SARDH: variants seen among roughly 807,000 people sequenced by gnomAD.
The protein encoded by SARDH is sarcosine dehydrogenase, mitochondrial.
In SARDH, 95 loss-of-function variants were observed where a neutral mutation model predicts 109.1. The observed-to-expected ratio is 0.87, with a 90% CI of 0.74 to 1.03. SARDH has a LOEUF of 1.03. Among genes scored for constraint, SARDH ranks in the 50% least tolerant of loss-of-function variants. The probability of loss-of-function intolerance (pLI) is 0.00; values close to 1 mark genes in which losing one functional copy is unlikely to be tolerated. For synonymous variants in SARDH, 572 were observed against 534.8 expected, an observed-to-expected ratio of 1.07 and a Z score of -0.96; for missense variants, 1,267 against 1,287.8, an observed-to-expected ratio of 0.98 and a Z score of 0.25.
chr9:133,734,015 C>T lies in SARDH; in HGVS notation c.159G>A (p.Ser53=), dbSNP rs771920569. 37 of 1,612,982 alleles carry T rather than the reference C, an allele frequency of 2.3e-5. No homozygotes were observed. The East Asian group carries it at 3.8e-4, about 17-fold the overall frequency. Residue 53 remains serine, a synonymous_variant, in exon 2 of 21, where the codon TCG becomes TCA. Coordinates refer to ENST00000439388, the MANE Select transcript of SARDH (RefSeq NM_001134707.2). ...GCCGGCTTGGGCCTTGGGCCACCAC[C>T]GAGGTGCCCTGTCCCTCCTTCAGGG... ...QRTLKEGQGT[S]VVAQGPSRPL...
Position 133,692,894 on chromosome 9 carries a change from C to A in SARDH, c.1921+1364G>T. Among the ~76,000 whole-genome samples the A allele has an allele frequency of 6.6e-6, 1 of 152,274 alleles. No individual in the cohort carries two copies. Among genetic ancestry groups the A allele is most frequent in the Non-Finnish European group, 1.5e-5 (1 of 68,002 alleles). The stretch of plus-strand genomic sequence containing the variant: ...AAGGGGTGGGCGAGCTCTGCGCACC[C>A]CATAGGACCCCTCACTCACGCTCTC... On this transcript the variant is annotated intron_variant, in intron 15 of 20. Coordinates refer to ENST00000439388, the MANE Select transcript of SARDH (RefSeq NM_001134707.2). This position sits in a 1 kb window ranked among gnomAD's most constrained non-coding sequence, Gnocchi z 5.0.
In SARDH at chr9:133,729,781, C is replaced by T. The variant is rs759296197; in HGVS notation, c.899G>A (p.Arg300His). 2.2e-5 allele frequency: 36 copies of T among 1,612,604 alleles called. 1 individual carries two copies. Among genetic ancestry groups the T allele is most frequent in the Middle Eastern group, 1.6e-4 (1 of 6,082 alleles). The change falls in exon 6 of 21, where the codon CGC becomes CAC. Residue 300 changes from arginine (R) to histidine (H), a missense_variant. Coordinates refer to ENST00000439388, the MANE Select transcript of SARDH (RefSeq NM_001134707.2). The stretch of plus-strand genomic sequence containing the variant: ...TCCACCTACCTGAATCCCCTCGATG[C>T]GCTCGGTGACGACATAGGCATGGTG... Reference protein sequence around the residue: ...AMHHAYVVTERIEGIQNMPNV... With the variant: ...AMHHAYVVTEHIEGIQNMPNV...
chr9:133,713,090 C>G lies in SARDH; in HGVS notation c.1185G>C (p.Gly395=). ...AGAACCCTCGGAGCTCAGGTGCCTC[C>G]CCCATCAGGGGCTTGTGGTCGGGCG... ...SFTPDHKPLM[G]EAPELRGFFL... Residue 395 remains glycine, a synonymous_variant, in exon 9 of 21, where the codon GGG becomes GGC. Transcript: ENST00000439388. 2 of 1,613,478 alleles carry G rather than the reference C, an allele frequency of 1.2e-6. No individual in the cohort carries two copies. Among genetic ancestry groups the G allele is most frequent in the Non-Finnish European group, 1.7e-6 (2 of 1,179,960 alleles).
chr9:133,677,788 G>T (rs888855294), intron 17 of SARDH, among the ~76,000 whole-genome samples: 9 of 152,212 alleles, frequency 5.9e-5, no homozygotes, highest in African/African-American at 1.7e-4. Context: ...AGTTGGCCTG[G>T]ACAAGAGGGG....
At chr9:133,706,454 A>C (rs1831699930) in intron 11 of SARDH, among the ~76,000 whole-genome samples, 1 of 152,092 alleles carries the variant, frequency 6.6e-6, no homozygotes, top group African/African-American at 2.4e-5. Context: ...TGGTGGGAGG[A>C]GATGAGGAAG....
intron 6 of SARDH, among the ~76,000 whole-genome samples, chr9:133,722,642 G>GCTCCCTCTCT (rs1203936066): frequency 8.9e-5 from 13 of 145,748 alleles, no homozygotes; most frequent in African/African-American, 3.1e-4. Context: ...AACTACTAGC[G>GCTCCCTCTCT]CTCTCTCTCT....
rs554952872 is a variant in SARDH at position 133,688,697 on chromosome 9, C to T, written c.2069+1683G>A. ...AGCCTCAATGCGTGCCTCAGACATA[C>T]GCACTGGCCTGCCACGGGGCCTTTG... On this transcript the variant is annotated intron_variant, in intron 16 of 20. Coordinates refer to ENST00000439388, the MANE Select transcript of SARDH (RefSeq NM_001134707.2). Among the ~76,000 whole-genome samples, 7 of 152,344 alleles carry T rather than the reference C, an allele frequency of 4.6e-5. No individual in the cohort carries two copies. In the East Asian group the frequency reaches 7.7e-4, roughly 17 times the overall value.
At chr9:133,673,213 G>A (rs981627011) in intron 17 of SARDH, among the ~76,000 whole-genome samples, 14 of 152,264 alleles carry the variant, frequency 9.2e-5, no homozygotes, top group African/African-American at 3.4e-4. Context: ...CACAGGAGGC[G>A]TGATTTTCCT....
chr9:133,730,653 T>G (rs1832649011), intron 4 of SARDH, among the ~76,000 whole-genome samples: 2 of 152,068 alleles, frequency 1.3e-5, no homozygotes, highest in South Asian at 2.1e-4. Flanking sequence ...TGGGTGATCT[T>G]GACTTCTTTT....
intron 6 of SARDH, among the ~76,000 whole-genome samples, chr9:133,719,299 G>A (rs1406568575): frequency 3.3e-5 from 5 of 152,180 alleles, no homozygotes; most frequent in South Asian, 4.2e-4. Flanking sequence ...GGAATGGATC[G>A]AGGAAGAGAG....
chr9:133,688,511 C>A (rs1830969289), intron 16 of SARDH, among the ~76,000 whole-genome samples: 1 of 152,152 alleles, frequency 6.6e-6, no homozygotes, highest in African/African-American at 2.4e-5. Context: ...GGCCTGCTGG[C>A]CCCCTGCCCG....
At position 133,669,434 on chromosome 9, in the gene SARDH, C is replaced by A. The variant is rs551665531; in HGVS notation, c.2495+1150G>T. ...TTGCAGCTGGCTGTCAGCTCCATGT[C>A]CACAGAGCCCAAAGCCGCCCACTTC... On this transcript the variant is annotated intron_variant, in intron 19 of 20. Coordinates refer to ENST00000439388, the MANE Select transcript of SARDH (RefSeq NM_001134707.2). 1.2e-3 allele frequency among the ~76,000 whole-genome samples: 185 copies of A among 149,952 alleles called. 1 individual carries two copies. The highest frequency in any genetic ancestry group is 0.01 in the Admixed American group (155 of 15,090).
At chr9:133,722,614 C>A (rs1211238993) in intron 6 of SARDH, among the ~76,000 whole-genome samples, 2 of 150,882 alleles carry the variant, frequency 1.3e-5, no homozygotes, top group African/African-American at 4.9e-5. Context: ...ATACAAAATC[C>A]TAAGGAAACC....
chr9:133,701,782 CAGA>C (rs1182507146), intron 13 of SARDH, among the ~76,000 whole-genome samples: 1 of 152,222 alleles, frequency 6.6e-6, no homozygotes, highest in African/African-American at 2.4e-5. Flanking sequence ...ACGCCTTGAA[CAGA>C]TGTTCCACCA....
chr9:133,723,563 C>T (rs1255864653), intron 6 of SARDH, among the ~76,000 whole-genome samples: 4 of 152,150 alleles, frequency 2.6e-5, no homozygotes, highest in Non-Finnish European at 4.4e-5. Context: ...GAGATCGAGA[C>T]CATCCTTGCT....
intron 19 of SARDH, among the ~76,000 whole-genome samples, chr9:133,670,077 C>T (rs1402424799): frequency 3.9e-5 from 6 of 152,188 alleles, no homozygotes; most frequent in African/African-American, 9.7e-5. Flanking sequence ...GCTTGTAATC[C>T]CAGCACTTTG....
intron 10 of SARDH, 63 bp from the exon 11 acceptor site, chr9:133,708,491 A>G: frequency 3.9e-6 from 6 of 1,547,530 alleles, no homozygotes; most frequent in Non-Finnish European, 5.2e-6. Context: ...GGGCTAGCCT[A>G]GGACCCAGGG....
intron 6 of SARDH, among the ~76,000 whole-genome samples, chr9:133,719,431 G>A (rs974309152): frequency 2.0e-5 from 3 of 152,156 alleles, no homozygotes; most frequent in African/African-American, 7.2e-5. Flanking sequence ...ATGGAGGAGG[G>A]GTGAGACTTA....
intron 11 of SARDH, 116 bp from the exon 12 acceptor site, chr9:133,705,147 C>G (rs1285268720): frequency 1.0e-6 from 1 of 1,003,172 alleles, no homozygotes; most frequent in African/African-American, 1.6e-5. Context: ...GAGGCCCTGA[C>G]TCTTGGAACC....
Sources: allele counts gnomAD v4.1 joint callset (sites outside exome capture counted in the v4.1 genomes callset), GRCh38; gene constraint gnomAD v4.1.1; non-coding constraint Gnocchi (gnomAD v3.1); transcripts MANE v1.5; gene names NCBI Gene and HGNC (gene_info 2026-07-23, HGNC 2026-07-21).